ZNF385D: variants seen among roughly 807,000 people sequenced by gnomAD.
ZNF385D encodes the protein zinc finger protein 385D.
Under a neutral mutation model 35.8 loss-of-function variants are expected in ZNF385D, and 15 were observed. That is an observed-to-expected ratio of 0.42 (90% CI 0.28 to 0.64). The LOEUF (loss-of-function observed/expected upper bound fraction) is 0.64. Ranked by LOEUF, ZNF385D falls within the 30% of genes least tolerant of loss-of-function variation. The pLI, the probability that ZNF385D is intolerant of heterozygous loss-of-function variation, is 0.23. For missense variants in ZNF385D, 474 were observed against 494.6 expected (o/e 0.96, Z 0.39); for synonymous variants, 212 against 186.8 (o/e 1.13, Z -1.10).
At chr3:21,607,025 TAAC>T (rs1349176781) in intron 2 of ZNF385D, among the ~76,000 whole-genome samples, 1 of 152,200 alleles carries the variant, frequency 6.6e-6, no homozygotes. Context: ...AGTCTCCTAA[TAAC>T]AATTCCTCAC....
rs950322149 is a variant in ZNF385D at position 21,960,093 on chromosome 3, A to T, written c.325+208724T>A. 6.6e-5 allele frequency among the ~76,000 whole-genome samples: 10 copies of T among 152,062 alleles called. No individual in the cohort carries two copies. In the South Asian group the frequency reaches 2.1e-3, roughly 32 times the overall value. On this transcript the variant is annotated intron_variant, in intron 3 of 5. Coordinates refer to the ZNF385D transcript ENST00000494108. ...CTTCTGTACAGCCAAGAATACAATC[A>T]AAAAGTGATGAAAAAAAATCTGTAG... is the stretch of plus-strand genomic sequence containing the variant.
In ZNF385D at chr3:21,845,897, G is replaced by A. The variant is rs919314031; in HGVS notation, c.326-180869C>T. 1.4e-4 allele frequency among the ~76,000 whole-genome samples: 21 copies of A among 151,934 alleles called. 1 individual carries two copies. The highest frequency in any genetic ancestry group is 5.1e-4 in the African/African-American group (21 of 41,400). On this transcript the variant is annotated intron_variant, in intron 3 of 5. Transcript: ENST00000494108. ...TATTTAGAGATTCACACAAAAAAGA[G>A]GCTCCCAGAGCAAAAATAAATTAAT... is the stretch of plus-strand genomic sequence containing the variant.
chr3:22,118,278 A>C (rs1014216941), intron 3 of ZNF385D, among the ~76,000 whole-genome samples: 1 of 152,092 alleles, frequency 6.6e-6, no homozygotes, highest in African/African-American at 2.4e-5. Context: ...AGAGAAAATA[A>C]CTTTAGTTTG....
intron 3 of ZNF385D, among the ~76,000 whole-genome samples, chr3:21,859,435 G>A (rs1696918020): frequency 6.6e-6 from 1 of 151,394 alleles, no homozygotes; most frequent in Non-Finnish European, 1.5e-5. Context: ...AAACAATAAA[G>A]GGAAAACCAC....
At chr3:21,594,572 T>TG (rs903245434) in intron 2 of ZNF385D, among the ~76,000 whole-genome samples, 9 of 152,110 alleles carry the variant, frequency 5.9e-5, no homozygotes, top group Admixed American at 5.2e-4. Context: ...AACGGGATTG[T>TG]GGGGGCCTGA....
chr3:21,738,097 C>A (rs1022739825), intron 1 of ZNF385D, among the ~76,000 whole-genome samples: 3 of 152,218 alleles, frequency 2.0e-5, no homozygotes, highest in African/African-American at 7.2e-5. Flanking sequence ...AGCCTCAGGC[C>A]CCACCTGCCA....
intron 4 of ZNF385D, among the ~76,000 whole-genome samples, chr3:21,490,095 G>A (rs1463964431): frequency 6.6e-6 from 1 of 151,978 alleles, no homozygotes; most frequent in Non-Finnish European, 1.5e-5. Context: ...CTTTCCTATT[G>A]TCCCAGTTTT....
chr3:21,723,392 C>G (rs74323987), intron 1 of ZNF385D, among the ~76,000 whole-genome samples: 3 of 152,074 alleles, frequency 2.0e-5, no homozygotes, highest in Admixed American at 6.6e-5. Flanking sequence ...TGCAAGGAAG[C>G]AAAGAACCTT....
At chr3:22,305,520 A>C (rs1703157192) in intron 2 of ZNF385D, among the ~76,000 whole-genome samples, 1 of 152,110 alleles carries the variant, frequency 6.6e-6, no homozygotes, top group Non-Finnish European at 1.5e-5. Flanking sequence ...GCTTCATGTC[A>C]TCTTCCCCGT....
intron 2 of ZNF385D, among the ~76,000 whole-genome samples, chr3:21,590,553 A>T (rs550241317): frequency 6.6e-6 from 1 of 152,090 alleles, no homozygotes; most frequent in Non-Finnish European, 1.5e-5. Context: ...TTACACCATA[A>T]AAAATGAATT....
Position 22,294,727 on chromosome 3 carries a change from A to G in ZNF385D, c.106+77723T>C, listed in dbSNP as rs148841323. 5.0e-3 allele frequency among the ~76,000 whole-genome samples: 762 copies of G among 152,254 alleles called. 5 individuals are homozygous for G. The highest frequency in any genetic ancestry group is 5.2e-3 in the Non-Finnish European group (357 of 68,008). On this transcript the variant is annotated intron_variant, in intron 2 of 5. Coordinates refer to the ZNF385D transcript ENST00000494108. ...ATGTTCTGAATTGCAAAGAAAGAAA[A>G]CAAGTTAATGCAAAATACTAGCATG...
At chr3:21,622,548 T>C (rs747516285) in intron 2 of ZNF385D, among the ~76,000 whole-genome samples, 42 of 152,118 alleles carry the variant, frequency 2.8e-4, no homozygotes, top group Non-Finnish European at 5.7e-4. Flanking sequence ...AACAAGATAA[T>C]CATACATGAC....
chr3:22,292,535 T>C (rs1301973734), intron 2 of ZNF385D, among the ~76,000 whole-genome samples: 1 of 152,122 alleles, frequency 6.6e-6, no homozygotes, highest in Non-Finnish European at 1.5e-5. Flanking sequence ...AGAGATTTTG[T>C]AGACCTCTAT....
intron 5 of ZNF385D, among the ~76,000 whole-genome samples, chr3:21,432,393 G>T (rs1198388742): frequency 6.6e-6 from 1 of 152,054 alleles, no homozygotes; most frequent in Non-Finnish European, 1.5e-5. Flanking sequence ...TTGGTGAGGG[G>T]ATAGAATAAA....
intron 2 of ZNF385D, among the ~76,000 whole-genome samples, chr3:21,642,919 G>A (rs2065648407): frequency 6.6e-6 from 1 of 152,054 alleles, no homozygotes; most frequent in South Asian, 2.1e-4. Flanking sequence ...AAAGAAGAAT[G>A]ATGGTTGCCA....
At chr3:22,202,887 C>T (rs1696896664) in intron 2 of ZNF385D, among the ~76,000 whole-genome samples, 2 of 152,084 alleles carry the variant, frequency 1.3e-5, no homozygotes. Flanking sequence ...TTGGTTGAAA[C>T]TTGAGTTTTG....
chr3:21,457,648 C>G (rs890057735), intron 4 of ZNF385D, among the ~76,000 whole-genome samples: 1 of 152,094 alleles, frequency 6.6e-6, no homozygotes, highest in South Asian at 2.1e-4. Flanking sequence ...GCCACCATGC[C>G]GGGCTGGTTA....
chr3:22,210,690 G>T (rs113777473), intron 2 of ZNF385D, among the ~76,000 whole-genome samples: 138 of 151,870 alleles, frequency 9.1e-4, no homozygotes, highest in Non-Finnish European at 1.7e-3. Context: ...TACATGAAAG[G>T]TTCCTTGGAG....
chr3:21,750,786 TAG>T (rs1280896247), intron 1 of ZNF385D, 107 bp downstream of exon 1: 19 of 1,373,536 alleles, frequency 1.4e-5, no homozygotes, highest in Non-Finnish European at 1.7e-5. Flanking sequence ...CAACTGGAGG[TAG>T]GTTTAATGTA....
Sources: allele counts gnomAD v4.1 joint callset (sites outside exome capture counted in the v4.1 genomes callset), GRCh38; gene constraint gnomAD v4.1.1; transcripts MANE v1.5; gene names NCBI Gene and HGNC (gene_info 2026-07-23, HGNC 2026-07-21).